The following NEO1 variants were observed in gnomAD, a reference collection of about 807,000 sequenced individuals.
NEO1 encodes the protein neogenin 1.
Under a neutral mutation model 159.7 loss-of-function variants are expected in NEO1, and 63 were observed. The ratio of observed to expected loss-of-function variants is 0.39; its 90% CI spans 0.32 to 0.49. The LOEUF is 0.49. Among genes scored for constraint, NEO1 ranks in the 20% least tolerant of loss-of-function variants. The pLI, the probability that NEO1 is intolerant of heterozygous loss-of-function variation, is 0.85. For synonymous variants in NEO1, 633 were observed against 662.0 expected (o/e 0.96, Z 0.67); for missense variants, 1,615 against 1,831.0 (o/e 0.88, Z 2.15).
intron 4 of NEO1, among the ~76,000 whole-genome samples, chr15:73,131,881 G>A (rs1007354194): frequency 6.6e-6 from 1 of 152,140 alleles, no homozygotes; most frequent in Admixed American, 6.6e-5. Flanking sequence ...CCAAACCACT[G>A]TGATCCTTTC....
chr15:73,152,119 T>C (rs925969426), intron 5 of NEO1, among the ~76,000 whole-genome samples: 2 of 152,188 alleles, frequency 1.3e-5, no homozygotes, highest in Admixed American at 1.3e-4. Flanking sequence ...TGTATACATA[T>C]ATTGGTTTTC....
chr15:73,156,230 G>A (rs977183020), intron 5 of NEO1, among the ~76,000 whole-genome samples: 1 of 152,140 alleles, frequency 6.6e-6, no homozygotes, highest in Non-Finnish European at 1.5e-5. Context: ...GCTACAGATA[G>A]CCTTAGTGTT....
At chr15:73,246,170 A>G (rs955243459) in intron 9 of NEO1, among the ~76,000 whole-genome samples, 3 of 152,218 alleles carry the variant, frequency 2.0e-5, no homozygotes, top group Admixed American at 6.5e-5. Context: ...AGTATCCCCT[A>G]TACTGGGTAA....
chr15:73,297,439 C>T (rs534453690), intron 26 of NEO1, among the ~76,000 whole-genome samples: 37 of 152,254 alleles, frequency 2.4e-4, no homozygotes, highest in East Asian at 1.3e-3. Context: ...ATTCAAGCAC[C>T]GTGTTCAGCA....
Position 73,260,449 on chromosome 15 carries a change from C to T in NEO1, c.2382C>T (p.Tyr794=), listed in dbSNP as rs764077519. ...AAGTGGACTATAAACAGCGCTATTA[C>T]ACCATTGAAAATCTGGGTATGTTTG... ...TIKVDYKQRY[Y]TIENLDPSSH... is the part of the protein sequence containing the mutation. The change falls in exon 15 of 29, where the codon TAC becomes TAT. Residue 794 remains tyrosine, a synonymous_variant. Coordinates refer to ENST00000261908, the MANE Select transcript of NEO1 (RefSeq NM_002499.4). 6.5e-5 allele frequency: 104 copies of T among 1,596,230 alleles called. No homozygotes were observed. The highest frequency in any genetic ancestry group is 3.3e-4 in the Middle Eastern group (2 of 6,002).
At chr15:73,167,612 C>G (rs1756015881) in intron 5 of NEO1, among the ~76,000 whole-genome samples, 1 of 152,162 alleles carries the variant, frequency 6.6e-6, no homozygotes, top group Non-Finnish European at 1.5e-5. Flanking sequence ...AACATGGAAA[C>G]AACCCAAGTG....
At chr15:73,229,865 G>A (rs2038807374) in intron 7 of NEO1, among the ~76,000 whole-genome samples, 1 of 151,978 alleles carries the variant, frequency 6.6e-6, no homozygotes, top group Non-Finnish European at 1.5e-5. Flanking sequence ...AAACTGTCTT[G>A]AATTCCTATG....
intron 7 of NEO1, among the ~76,000 whole-genome samples, chr15:73,188,500 A>G (rs1297699010): frequency 6.6e-6 from 1 of 152,164 alleles, no homozygotes; most frequent in Non-Finnish European, 1.5e-5. Flanking sequence ...TACTATAATT[A>G]TTTTAACTAC....
At chr15:73,298,707 A>C in intron 27 of NEO1, 96 bp downstream of exon 27, 1 of 1,488,536 alleles carries the variant, frequency 6.7e-7, no homozygotes, top group Admixed American at 1.9e-5. Flanking sequence ...GAAGTATAGC[A>C]AAGCAAATAT....
At chr15:73,138,772 CA>C (rs1012507509) in intron 5 of NEO1, among the ~76,000 whole-genome samples, 13 of 143,674 alleles carry the variant, frequency 9.0e-5, no homozygotes, top group Middle Eastern at 3.7e-3. Flanking sequence ...AAAAAAAAAA[CA>C]AAAAAACAAA....
intron 13 of NEO1, 66 bp downstream of exon 13, chr15:73,254,895 C>T (rs1330096411): frequency 1.6e-5 from 24 of 1,523,394 alleles, no homozygotes; most frequent in Non-Finnish European, 2.0e-5. Context: ...TTATGCTAGT[C>T]TAATGACTGC....
At chr15:73,103,126 G>A (rs577754542) in intron 1 of NEO1, among the ~76,000 whole-genome samples, 1 of 152,058 alleles carries the variant, frequency 6.6e-6, no homozygotes, top group African/African-American at 2.4e-5. Context: ...GACTTCAGTA[G>A]GTTTCAACTG....
rs138225835 is a variant in NEO1, at chr15:73,143,972, T to A, written c.1015+7945T>A. ...AACAGGAACTGGTCTTACTCATTTTTAAAAATCATAGTAGGTTATTAACGA... is the reference window on the plus strand; with the variant it reads ...AACAGGAACTGGTCTTACTCATTTTAAAAAATCATAGTAGGTTATTAACGA... On this transcript the variant is annotated intron_variant, in intron 5 of 28. Coordinates refer to ENST00000261908, the MANE Select transcript of NEO1 (RefSeq NM_002499.4). 3.6e-3 allele frequency among the ~76,000 whole-genome samples: 548 copies of A among 152,342 alleles called. 2 individuals are homozygous for A. The highest frequency in any genetic ancestry group is 0.013 in the African/African-American group (524 of 41,580).
At chr15:73,200,271 G>A (rs2036785710) in intron 7 of NEO1, among the ~76,000 whole-genome samples, 1 of 151,918 alleles carries the variant, frequency 6.6e-6, no homozygotes, top group Non-Finnish European at 1.5e-5. Context: ...ATGAATTTTT[G>A]TAATTTGTGT....
At chr15:73,258,027 C>T (rs1171120165) in intron 13 of NEO1, among the ~76,000 whole-genome samples, 2 of 152,178 alleles carry the variant, frequency 1.3e-5, no homozygotes, top group African/African-American at 2.4e-5. Context: ...ATTAGCTAAC[C>T]AAACCAGGGC....
chr15:73,205,038 G>C (rs572946652), intron 7 of NEO1, among the ~76,000 whole-genome samples: 2 of 152,136 alleles, frequency 1.3e-5, no homozygotes, highest in Non-Finnish European at 2.9e-5. Context: ...CTCAGAGGGA[G>C]CCTTTTTCTT....
chr15:73,105,581 G>C (rs1321071946), intron 1 of NEO1, among the ~76,000 whole-genome samples: 3 of 152,138 alleles, frequency 2.0e-5, no homozygotes, highest in Non-Finnish European at 4.4e-5. Flanking sequence ...CCAGGATCCA[G>C]TAAGGTTTCA....
chr15:73,128,345 ATCTT>A (rs1031911757), intron 4 of NEO1, among the ~76,000 whole-genome samples: 2 of 152,158 alleles, frequency 1.3e-5, no homozygotes, highest in Non-Finnish European at 2.9e-5. Context: ...TTAGAACAAA[ATCTT>A]TATCAGGAGT....
At chr15:73,074,683 G>T (rs1049039163) in intron 1 of NEO1, among the ~76,000 whole-genome samples, 1 of 152,088 alleles carries the variant, frequency 6.6e-6, no homozygotes, top group African/African-American at 2.4e-5. Flanking sequence ...TTTATGGGAG[G>T]GGGGAAGCTC....
Sources: gnomAD v4.1 joint callset for allele counts (sites outside exome capture counted in the v4.1 genomes callset) on GRCh38, gnomAD v4.1.1 for gene constraint, MANE v1.5 for transcripts, NCBI Gene and HGNC (gene_info 2026-07-23, HGNC 2026-07-21) for gene names.